The following SLC35F3 variants were observed in gnomAD, a reference collection of about 807,000 sequenced individuals.
SLC35F3 encodes the protein putative thiamine transporter SLC35F3.
SLC35F3 carries 25 observed loss-of-function variants against 49.9 expected under a neutral mutation model. The observed-to-expected ratio is 0.50, with a 90% CI of 0.37 to 0.70. The LOEUF (loss-of-function observed/expected upper bound fraction) is 0.70, where lower values mean the gene tolerates loss of function less well. Among genes scored for constraint, SLC35F3 ranks in the 30% least tolerant of loss-of-function variants. The pLI, the probability that SLC35F3 is intolerant of heterozygous loss-of-function variation, is 0.00. For missense variants in SLC35F3, 525 were observed against 639.8 expected (o/e 0.82, Z 1.94); for synonymous variants, 275 against 265.4 (o/e 1.04, Z -0.35).
At chr1:234,150,149 T>C (rs1034343099) in intron 2 of SLC35F3, among the ~76,000 whole-genome samples, 3 of 152,262 alleles carry the variant, frequency 2.0e-5, no homozygotes, top group Admixed American at 1.3e-4. Flanking sequence ...ACTAGATTTA[T>C]CCTCTAAAGG....
chr1:234,281,282 T>C (rs915958250), intron 3 of SLC35F3, among the ~76,000 whole-genome samples: 1 of 152,096 alleles, frequency 6.6e-6, no homozygotes, highest in African/African-American at 2.4e-5. Context: ...AGTGAGGAGA[T>C]GGCCATCTAC....
intron 2 of SLC35F3, among the ~76,000 whole-genome samples, chr1:234,014,727 G>A (rs917736825): frequency 4.6e-5 from 7 of 151,778 alleles, no homozygotes; most frequent in Non-Finnish European, 8.8e-5. Context: ...TTCCATTTAC[G>A]CTAACTAAAA....
chr1:234,119,096 A>G lies in SLC35F3; in HGVS notation c.284-112321A>G, dbSNP rs142450215. 1.7e-3 allele frequency among the ~76,000 whole-genome samples: 252 copies of G among 152,252 alleles called. 1 individual carries two copies. Among genetic ancestry groups the G allele is most frequent in the Non-Finnish European group, 2.4e-3 (165 of 68,012 alleles). On this transcript the variant is annotated intron_variant, in intron 2 of 7. Coordinates refer to ENST00000366618, the MANE Select transcript of SLC35F3 (RefSeq NM_173508.4). ...CATGTTAGATCCCTGTACATCAATC[A>G]GCACATCCCATGACTGAGCTCTTTC... is the stretch of plus-strand genomic sequence containing the variant.
rs373879448 is a variant in SLC35F3 at position 234,022,263 on chromosome 1, G to A, written c.283+116505G>A. Among the ~76,000 whole-genome samples the A allele has an allele frequency of 3.5e-4, 53 of 152,238 alleles. 2 individuals carry two copies. In the South Asian group the frequency reaches 0.011, roughly 31 times the overall value. On this transcript the variant is annotated intron_variant, in intron 2 of 7. Transcript: ENST00000366618. ...CAGAAAACATAAACAAAACCAACAG[G>A]TTGTGTATGTGCATGTATATGCATG...
At chr1:234,114,906 TTTTG>T (rs1408892260) in intron 2 of SLC35F3, among the ~76,000 whole-genome samples, 1 of 151,724 alleles carries the variant, frequency 6.6e-6, no homozygotes, top group African/African-American at 2.4e-5. Flanking sequence ...TTGGTGGGTT[TTTTG>T]TTTGTTTGTT....
At chr1:234,137,278 G>C (rs983395099) in intron 2 of SLC35F3, among the ~76,000 whole-genome samples, 4 of 152,236 alleles carry the variant, frequency 2.6e-5, no homozygotes, top group South Asian at 2.1e-4. Flanking sequence ...AGAGCAGTCA[G>C]AGAGGTGGCA....
At chr1:234,185,992 C>T (rs1666638077) in intron 2 of SLC35F3, among the ~76,000 whole-genome samples, 1 of 152,140 alleles carries the variant, frequency 6.6e-6, no homozygotes, top group Admixed American at 6.5e-5. Flanking sequence ...TACTGACTGC[C>T]ATAGGCTGAG....
chr1:234,100,664 T>C (rs1665201474), intron 2 of SLC35F3, among the ~76,000 whole-genome samples: 1 of 152,130 alleles, frequency 6.6e-6, no homozygotes, highest in African/African-American at 2.4e-5. Context: ...GATACACATA[T>C]GCACATTAAT....
At chr1:234,278,297 C>G (rs1048313371) in intron 3 of SLC35F3, among the ~76,000 whole-genome samples, 1 of 152,186 alleles carries the variant, frequency 6.6e-6, no homozygotes, top group African/African-American at 2.4e-5. Context: ...TGAGACCAGC[C>G]TGGCCAACAT....
chr1:234,103,936 A>G (rs1169058467), intron 2 of SLC35F3, among the ~76,000 whole-genome samples: 2 of 152,320 alleles, frequency 1.3e-5, no homozygotes, highest in Non-Finnish European at 2.9e-5. Flanking sequence ...GATTAGCGGC[A>G]TTCCAAATAG....
intron 2 of SLC35F3, among the ~76,000 whole-genome samples, chr1:233,999,375 A>G (rs1050755460): frequency 5.7e-5 from 8 of 140,064 alleles, no homozygotes; most frequent in African/African-American, 1.8e-4. Flanking sequence ...AGCACGTCAC[A>G]AGAACAGTTT....
intron 2 of SLC35F3, among the ~76,000 whole-genome samples, chr1:234,009,847 AC>A (rs1270506853): frequency 6.6e-6 from 1 of 152,154 alleles, no homozygotes; most frequent in Non-Finnish European, 1.5e-5. Flanking sequence ...GGGATGTTAT[AC>A]TCAAAGTGCT....
At chr1:233,947,598 A>C (rs980628789) in intron 2 of SLC35F3, among the ~76,000 whole-genome samples, 1 of 151,878 alleles carries the variant, frequency 6.6e-6, no homozygotes, top group Admixed American at 6.6e-5. Flanking sequence ...CCACAAGGCT[A>C]GATAATTAGG....
At chr1:234,062,367 C>T (rs1424282922) in intron 2 of SLC35F3, among the ~76,000 whole-genome samples, 1 of 152,332 alleles carries the variant, frequency 6.6e-6, no homozygotes, top group Middle Eastern at 3.4e-3. Flanking sequence ...CTCCACTACG[C>T]ACAAACTGGT....
At chr1:234,064,654 G>A (rs540525339) in intron 2 of SLC35F3, among the ~76,000 whole-genome samples, 33 of 152,186 alleles carry the variant, frequency 2.2e-4, no homozygotes, top group South Asian at 4.2e-4. Context: ...AATTAATTCC[G>A]CAGGATTTTA....
intron 2 of SLC35F3, among the ~76,000 whole-genome samples, chr1:234,090,991 G>A (rs75456152): frequency 1.3e-5 from 2 of 152,180 alleles, no homozygotes; most frequent in Non-Finnish European, 2.9e-5. Flanking sequence ...ACACACCACT[G>A]AGTTGTTCAA....
chr1:234,072,756 A>G (rs940714068), intron 2 of SLC35F3, among the ~76,000 whole-genome samples: 1 of 152,198 alleles, frequency 6.6e-6, no homozygotes, highest in Admixed American at 6.5e-5. Flanking sequence ...GCTGCGGCCT[A>G]TGAGTCAGCA....
At chr1:233,940,063 A>G (rs1162213295) in intron 2 of SLC35F3, among the ~76,000 whole-genome samples, 1 of 152,170 alleles carries the variant, frequency 6.6e-6, no homozygotes, top group African/African-American at 2.4e-5. Context: ...AGCCTAATTA[A>G]TTTTATTATG....
intron 2 of SLC35F3, among the ~76,000 whole-genome samples, chr1:234,177,658 A>G: frequency 6.6e-6 from 1 of 152,182 alleles, no homozygotes; most frequent in East Asian, 1.9e-4. Context: ...GGGCTCAGTT[A>G]GTTATGGGGT....
Sources: gnomAD v4.1 joint callset for allele counts (sites outside exome capture counted in the v4.1 genomes callset) on GRCh38, gnomAD v4.1.1 for gene constraint, MANE v1.5 for transcripts, NCBI Gene and HGNC (gene_info 2026-07-23, HGNC 2026-07-21) for gene names.